Variants in MAF observed in about 807,000 individuals in gnomAD.
The protein encoded by MAF is transcription factor Maf.
MAF carries 10 observed loss-of-function variants against 22.0 expected under a neutral mutation model. The ratio of observed to expected loss-of-function variants is 0.45; its 90% CI spans 0.28 to 0.77. The LOEUF is 0.77. MAF is among the 30% of genes least tolerant of loss of function. The pLI, the probability that MAF is intolerant of heterozygous loss-of-function variation, is 0.12. For missense variants in MAF, 544 were observed against 548.4 expected (o/e 0.99, Z 0.08); for synonymous variants, 337 against 255.8 (o/e 1.32, Z -3.03).
downstream of MAF, among the ~76,000 whole-genome samples, chr16:79,585,593 A>G (rs1324558980): frequency 2.6e-5 from 4 of 152,240 alleles, no homozygotes; most frequent in African/African-American, 9.6e-5. Flanking sequence ...AAACTGGATT[A>G]GTAACTTGAC....
the MAF span, among the ~76,000 whole-genome samples, chr16:79,469,580 A>ATTTATTT: frequency 1.3e-5 from 2 of 152,026 alleles, no homozygotes; most frequent in African/African-American, 4.8e-5. Context: ...GGTCTCATTT[A>ATTTATTT]TTTATTTATT....
the MAF span, among the ~76,000 whole-genome samples, chr16:79,435,744 C>T: frequency 2.0e-3 from 309 of 152,260 alleles, 3 homozygotes; most frequent in African/African-American, 6.6e-3. Context: ...CAGTTCACGC[C>T]GAGATGTGCA....
the MAF span, among the ~76,000 whole-genome samples, chr16:79,301,433 T>A: frequency 6.6e-6 from 1 of 152,004 alleles, no homozygotes. Flanking sequence ...TTTCCCCCCA[T>A]TTGAGGGAAT....
the MAF span, among the ~76,000 whole-genome samples, chr16:79,497,128 C>T: frequency 3.1e-3 from 472 of 152,280 alleles, 1 homozygote; most frequent in Non-Finnish European, 4.7e-3. Context: ...GTTGAAACAG[C>T]TTAAATGGTG....
chr16:79,441,636 C>T, the MAF span, among the ~76,000 whole-genome samples: 6 of 152,222 alleles, frequency 3.9e-5, no homozygotes, highest in African/African-American at 9.6e-5. Flanking sequence ...TCTAAACTGA[C>T]AGTCATTCTA....
the MAF span, among the ~76,000 whole-genome samples, chr16:79,213,313 T>A: frequency 3.6e-4 from 55 of 152,194 alleles, no homozygotes; most frequent in African/African-American, 1.3e-3. Context: ...ACAAACACCA[T>A]TGCCCTCCAG....
At chr16:79,222,306 C>G in the MAF span, among the ~76,000 whole-genome samples, 2 of 152,216 alleles carry the variant, frequency 1.3e-5, no homozygotes, top group Admixed American at 1.3e-4. Context: ...TTATCACCAC[C>G]AGGCCTGTCT....
the MAF span, among the ~76,000 whole-genome samples, chr16:79,345,124 C>G: frequency 6.6e-6 from 1 of 152,116 alleles, no homozygotes; most frequent in Non-Finnish European, 1.5e-5. Flanking sequence ...GTACCCTAAC[C>G]GTTATTGTTT....
chr16:79,586,977 G>A (rs1912882496), intron 1 of MAF, among the ~76,000 whole-genome samples: 1 of 152,156 alleles, frequency 6.6e-6, no homozygotes, highest in African/African-American at 2.4e-5. Context: ...TACAATTGGT[G>A]CGAACAAATA....
the MAF span, among the ~76,000 whole-genome samples, chr16:79,563,521 A>T: frequency 6.6e-6 from 1 of 150,404 alleles, no homozygotes; most frequent in Non-Finnish European, 1.5e-5. Context: ...AAAAAAAAAG[A>T]TTTGTGAAAT....
chr16:79,419,824 C>T, the MAF span, among the ~76,000 whole-genome samples: 1 of 152,116 alleles, frequency 6.6e-6, no homozygotes, highest in African/African-American at 2.4e-5. Context: ...CACAGCATCA[C>T]CATGATCTGT....
chr16:79,598,165 C>CTT (rs1257032192), intron 1 of MAF: 2 of 976,702 alleles, frequency 2.0e-6, no homozygotes, highest in Non-Finnish European at 2.5e-6. Context: ...AAAAACTTTG[C>CTT]TTTTTTTTTT....
chr16:79,565,152 A>T, the MAF span, among the ~76,000 whole-genome samples: 2 of 152,134 alleles, frequency 1.3e-5, no homozygotes, highest in African/African-American at 4.8e-5. Context: ...TTCTGCTACC[A>T]AAGACCCAAA....
At chr16:79,426,479 A>G in the MAF span, among the ~76,000 whole-genome samples, 1 of 152,120 alleles carries the variant, frequency 6.6e-6, no homozygotes, top group Non-Finnish European at 1.5e-5. Context: ...CCCAGTCTCT[A>G]TTCCCTCATA....
the MAF span, among the ~76,000 whole-genome samples, chr16:79,326,224 C>A: frequency 2.0e-5 from 3 of 152,124 alleles, no homozygotes; most frequent in African/African-American, 4.8e-5. Flanking sequence ...TGCCTCCCTG[C>A]AGAAATAATA....
the MAF span, among the ~76,000 whole-genome samples, chr16:79,482,900 C>G: frequency 3.5e-5 from 4 of 113,062 alleles, no homozygotes; most frequent in Non-Finnish European, 7.5e-5. Context: ...TTCCTTCCCT[C>G]CCTACCTCCT....
chr16:79,420,728 A>T, the MAF span, among the ~76,000 whole-genome samples: 2 of 152,218 alleles, frequency 1.3e-5, no homozygotes, highest in African/African-American at 4.8e-5. Flanking sequence ...AAGTGACTGC[A>T]GTACAATAAG....
chr16:79,353,082 CA>C, the MAF span, among the ~76,000 whole-genome samples: 114 of 145,250 alleles, frequency 7.8e-4, no homozygotes, highest in Non-Finnish European at 1.0e-3. Context: ...CAAAATCATA[CA>C]AAAAAAAATG....
chr16:79,245,960 G>T, the MAF span, among the ~76,000 whole-genome samples: 1 of 152,028 alleles, frequency 6.6e-6, no homozygotes, highest in African/African-American at 2.4e-5. Context: ...CACAAGAACA[G>T]AAAACCAGAC....
Sources: allele counts gnomAD v4.1 joint callset (sites outside exome capture counted in the v4.1 genomes callset), GRCh38; gene constraint gnomAD v4.1.1; transcripts MANE v1.5; gene names NCBI Gene and HGNC (gene_info 2026-07-23, HGNC 2026-07-21).